PDE4B: variants seen among roughly 807,000 people sequenced by gnomAD.
PDE4B encodes the protein 3',5'-cyclic-AMP phosphodiesterase 4B.
A neutral mutation model predicts 82.2 loss-of-function variants in PDE4B; 20 were observed. The ratio of observed to expected loss-of-function variants is 0.24; its 90% CI spans 0.17 to 0.35. The LOEUF is 0.35. Ranked by LOEUF, PDE4B falls within the 10% of genes least tolerant of loss-of-function variation. PDE4B has a pLI of 1.00. For synonymous variants in PDE4B, 320 were observed against 318.9 expected (o/e 1.00, Z -0.04); for missense variants, 655 against 907.2 (o/e 0.72, Z 3.57).
intron 3 of PDE4B, among the ~76,000 whole-genome samples, chr1:66,045,677 G>A (rs1239907294): frequency 6.6e-6 from 1 of 151,522 alleles, no homozygotes; most frequent in African/African-American, 2.4e-5. Flanking sequence ...GGGGGGCAGG[G>A]ACATAAAGAT....
At chr1:65,915,318 G>A (rs922825021) in intron 2 of PDE4B, among the ~76,000 whole-genome samples, 2 of 152,098 alleles carry the variant, frequency 1.3e-5, no homozygotes, top group African/African-American at 2.4e-5. Flanking sequence ...TTTTATTATT[G>A]TCTCATGGAG....
At chr1:65,993,404 A>G (rs1175841910) in intron 3 of PDE4B, among the ~76,000 whole-genome samples, 1 of 152,180 alleles carries the variant, frequency 6.6e-6, no homozygotes, top group Non-Finnish European at 1.5e-5. Flanking sequence ...TACATAGCTA[A>G]TTCTAGGTAA....
intron 7 of PDE4B, among the ~76,000 whole-genome samples, chr1:66,302,829 A>G (rs1213025975): frequency 1.3e-5 from 2 of 152,170 alleles, no homozygotes; most frequent in Non-Finnish European, 2.9e-5. Flanking sequence ...AACACTGTCA[A>G]CATAGACACT....
chr1:66,177,965 AGAATTG>A (rs1203343195), intron 3 of PDE4B, among the ~76,000 whole-genome samples: 1 of 152,054 alleles, frequency 6.6e-6, no homozygotes, highest in African/African-American at 2.4e-5. Context: ...ACCAAGTGTT[AGAATTG>A]GAATTATAAT....
intron 3 of PDE4B, among the ~76,000 whole-genome samples, chr1:66,050,954 C>T (rs987866708): frequency 6.6e-6 from 1 of 152,118 alleles, no homozygotes; most frequent in Non-Finnish European, 1.5e-5. Context: ...AAGAAAAGAA[C>T]AGCCTGAGGC....
intron 1 of PDE4B, among the ~76,000 whole-genome samples, chr1:65,839,706 A>G (rs1356970599): frequency 6.6e-6 from 1 of 152,170 alleles, no homozygotes; most frequent in Non-Finnish European, 1.5e-5. Context: ...AGTCTTTGCT[A>G]TTGTGAACAG....
In PDE4B at chr1:66,170,521, A is replaced by T. The variant is rs1488543585; in HGVS notation, c.282-76939A>T. Among the ~76,000 whole-genome samples, 26 of 152,306 alleles carry T rather than the reference A, an allele frequency of 1.7e-4. 1 individual carries two copies. The highest frequency in any genetic ancestry group is 2.4e-5 in the African/African-American group (1 of 41,572). On this transcript the variant is annotated intron_variant, in intron 3 of 16. Coordinates refer to ENST00000341517, the MANE Select transcript of PDE4B (RefSeq NM_002600.4). ...CTTGAAATTTAAATATGACTATTTT[A>T]AAAAAGCTTTTCCCTGTTGGATTCT...
chr1:66,271,398 G>A (rs1382248954), intron 7 of PDE4B, among the ~76,000 whole-genome samples: 1 of 152,114 alleles, frequency 6.6e-6, no homozygotes, highest in African/African-American at 2.4e-5. Context: ...CCCTCCCCTT[G>A]AAAGTTGGAA....
At chr1:66,274,800 C>T (rs1028551361) in intron 7 of PDE4B, among the ~76,000 whole-genome samples, 2 of 152,136 alleles carry the variant, frequency 1.3e-5, no homozygotes, top group African/African-American at 4.8e-5. Context: ...CATAGCAAAC[C>T]ACCAATGTGT....
intron 3 of PDE4B, among the ~76,000 whole-genome samples, chr1:65,969,077 A>T (rs180727636): frequency 4.5e-4 from 69 of 152,300 alleles, no homozygotes; most frequent in Middle Eastern, 3.4e-3. Flanking sequence ...TTCAGGGTGT[A>T]TAAGTCAGGA....
At chr1:66,059,485 G>C (rs534630154) in intron 3 of PDE4B, among the ~76,000 whole-genome samples, 1 of 152,278 alleles carries the variant, frequency 6.6e-6, no homozygotes, top group East Asian at 1.9e-4. Flanking sequence ...ATTTACAAAA[G>C]GAAGAAGTTT....
chr1:66,096,542 A>G (rs928536617), intron 3 of PDE4B, among the ~76,000 whole-genome samples: 2 of 144,352 alleles, frequency 1.4e-5, no homozygotes, highest in Admixed American at 7.0e-5. Flanking sequence ...ATATATATAT[A>G]CTGCATTTCA....
At chr1:66,073,018 T>A (rs916411655) in intron 3 of PDE4B, among the ~76,000 whole-genome samples, 2 of 150,160 alleles carry the variant, frequency 1.3e-5, no homozygotes, top group East Asian at 3.9e-4. Context: ...TTTAGCCCTT[T>A]TTTTTTTTTG....
chr1:66,343,753 T>G (rs1372959153), intron 8 of PDE4B, among the ~76,000 whole-genome samples: 1 of 152,234 alleles, frequency 6.6e-6, no homozygotes, highest in African/African-American at 2.4e-5. Flanking sequence ...CTTGATCATT[T>G]AAGAAATTTG....
chr1:65,850,370 T>G (rs1646317782), intron 1 of PDE4B, among the ~76,000 whole-genome samples: 1 of 152,172 alleles, frequency 6.6e-6, no homozygotes, highest in Non-Finnish European at 1.5e-5. Flanking sequence ...GTGCTGGGAT[T>G]ACAGGGGTGA....
intron 3 of PDE4B, among the ~76,000 whole-genome samples, chr1:65,938,775 A>G (rs1289281985): frequency 6.6e-6 from 1 of 152,144 alleles, no homozygotes; most frequent in Non-Finnish European, 1.5e-5. Flanking sequence ...TTTTAGTTTT[A>G]TTTGGTTGGA....
intron 3 of PDE4B, among the ~76,000 whole-genome samples, chr1:66,024,096 G>T (rs566021322): frequency 6.6e-6 from 1 of 152,182 alleles, no homozygotes; most frequent in African/African-American, 2.4e-5. Flanking sequence ...TGACTTTGGT[G>T]TTCTCCATTC....
At chr1:65,792,687 G>C (rs1261337829), upstream of PDE4B, 2 of 152,086 alleles carry the variant, frequency 1.3e-5, no homozygotes, top group African/African-American at 2.4e-5. Flanking sequence ...AGACGACTGG[G>C]GACGGCGTGC....
intron 3 of PDE4B, among the ~76,000 whole-genome samples, chr1:66,030,033 G>A (rs867219594): frequency 1.5e-5 from 1 of 67,638 alleles, no homozygotes; most frequent in Admixed American, 2.4e-4. Flanking sequence ...CTAATCTGTT[G>A]AGGGTTTTTT....
Sources: gnomAD v4.1 joint callset for allele counts (sites outside exome capture counted in the v4.1 genomes callset) on GRCh38, gnomAD v4.1.1 for gene constraint, MANE v1.5 for transcripts, NCBI Gene and HGNC (gene_info 2026-07-23, HGNC 2026-07-21) for gene names.